The following PPP2R1B variants were observed in gnomAD, a reference collection of about 807,000 sequenced individuals.
PPP2R1B encodes serine/threonine-protein phosphatase 2A 65 kDa regulatory subunit A beta isoform.
A neutral mutation model predicts 72.7 loss-of-function variants in PPP2R1B; 58 were observed. That is an observed-to-expected ratio of 0.80 (90% CI 0.65 to 0.99). The LOEUF (loss-of-function observed/expected upper bound fraction) is 0.99. PPP2R1B is among the 50% of genes least tolerant of loss of function. The pLI is 0.00. For synonymous variants in PPP2R1B, 256 were observed against 264.6 expected, an observed-to-expected ratio of 0.97 and a Z score of 0.32; for missense variants, 695 against 733.6, an observed-to-expected ratio of 0.95 and a Z score of 0.61.
the PPP2R1B span, chr11:111,703,221 G>A: frequency 3.1e-6 from 5 of 1,613,928 alleles, no homozygotes; most frequent in African/African-American, 1.3e-5. Flanking sequence ...CACCTTATCC[G>A]AAGGATGTTG....
In PPP2R1B at chr11:111,756,188, C is replaced by T. The variant is rs71405273; in HGVS notation, c.688-738G>A. Among the ~76,000 whole-genome samples, 158 of 144,586 alleles carry T rather than the reference C, an allele frequency of 1.1e-3. 1 individual carries two copies. Among genetic ancestry groups the T allele is most frequent in the Middle Eastern group, 7.1e-3 (2 of 282 alleles). 94.9% of individuals were successfully genotyped at this position (144,586 alleles called of 152,430 possible). A position where few individuals can be genotyped will look rare whatever the true frequency, so the allele number is the denominator to read the frequency against. ...CTGCACCACTGCACTCCAGTCTGGG[C>T]GACAGAGTGACACTCTGTCTCAAAA... On this transcript the variant is annotated intron_variant, in intron 5 of 14. Transcript: ENST00000527614.
At position 111,764,795 on chromosome 11, in the gene PPP2R1B, A is replaced by C. The variant is rs782349861; in HGVS notation, c.306+10T>G. 10 of 1,613,368 alleles carry C rather than the reference A, an allele frequency of 6.2e-6. No individual in the cohort carries two copies. The South Asian group carries it at 9.9e-5, about 16-fold the overall frequency. On this transcript the variant is annotated intron_variant, in intron 3 of 14. Transcript: ENST00000527614. ...TGTAGAAGGAGGGTAGGCAGCTTATAAATACTCACCAGCAGACAGTGGGCA... is the reference window on the plus strand; with the variant it reads ...TGTAGAAGGAGGGTAGGCAGCTTATCAATACTCACCAGCAGACAGTGGGCA...
the PPP2R1B span, among the ~76,000 whole-genome samples, chr11:111,706,497 T>C: frequency 1.3e-5 from 2 of 152,298 alleles, no homozygotes; most frequent in Non-Finnish European, 2.9e-5. Flanking sequence ...AAAACAAAAA[T>C]AAGGGCAGGA....
chr11:111,743,374 A>G lies in PPP2R1B; in HGVS notation c.1554+2T>C. On this transcript the variant is annotated splice_donor_variant, in intron 12 of 14. Transcript: ENST00000527614. LOFTEE classifies it high-confidence loss of function. ...TAGCAATAACAGTTATGTTATACTT[A>G]CATTAATGCAGAATAAAGTGGTCAT... 1 of 1,600,884 alleles carries G rather than the reference A, an allele frequency of 6.2e-7. No homozygotes were observed. The highest frequency in any genetic ancestry group is 8.5e-7 in the Non-Finnish European group (1 of 1,171,938).
intron 3 of PPP2R1B, among the ~76,000 whole-genome samples, chr11:111,762,624 T>C (rs924712897): frequency 6.6e-6 from 1 of 150,754 alleles, no homozygotes; most frequent in Non-Finnish European, 1.5e-5. Context: ...GGCACAATCA[T>C]GGCTCAGTGC....
chr11:111,713,451 A>G, the PPP2R1B span, among the ~76,000 whole-genome samples: 1 of 152,186 alleles, frequency 6.6e-6, no homozygotes, highest in East Asian at 1.9e-4. Flanking sequence ...TAAAAGGAGA[A>G]CACCAACTTT....
chr11:111,742,240 G>A lies in PPP2R1B; in HGVS notation c.1698-96C>T. ...TTAATGGTAATTGTTAAAATTTAAA[G>A]TAAAAAAATAAAGACATTTATAAAC... is the stretch of plus-strand genomic sequence containing the variant. On this transcript the variant is annotated intron_variant, in intron 13 of 14. Coordinates refer to ENST00000527614, the MANE Select transcript of PPP2R1B (RefSeq NM_002716.5). The A allele has an allele frequency of 5.0e-6, 5 of 1,007,586 alleles. No individual in the cohort carries two copies. The South Asian group carries it at 8.1e-5, about 16-fold the overall frequency. 62.4% of individuals were successfully genotyped at this position (1,007,586 alleles called of 1,614,324 possible).
Position 111,759,615 on chromosome 11 carries a change from A to G in PPP2R1B, c.687+189T>C, listed in dbSNP as rs563362150. On this transcript the variant is annotated intron_variant, in intron 5 of 14. Transcript: ENST00000527614. Reference sequence around the variant, plus strand: ...TTAACAGCTGCTAATGTAAGAGAGAAATCATGGTCTGGTTAAGAAAGAAAC... The same window carrying G: ...TTAACAGCTGCTAATGTAAGAGAGAGATCATGGTCTGGTTAAGAAAGAAAC... 5.3e-5 allele frequency among the ~76,000 whole-genome samples: 8 copies of G among 152,338 alleles called. No individual in the cohort carries two copies. In the East Asian group the frequency reaches 1.2e-3, roughly 22 times the overall value.
At chr11:111,715,040 G>C in the PPP2R1B span, among the ~76,000 whole-genome samples, 2 of 152,234 alleles carry the variant, frequency 1.3e-5, no homozygotes, top group Non-Finnish European at 2.9e-5. Flanking sequence ...TATTTTTAAA[G>C]CTTGTGATTG....
the PPP2R1B span, among the ~76,000 whole-genome samples, chr11:111,713,101 G>A: frequency 1.3e-5 from 2 of 152,330 alleles, no homozygotes; most frequent in South Asian, 2.1e-4. Flanking sequence ...GGGGGCCGAG[G>A]TGGCAGTGAG....
chr11:111,689,380 G>A, the PPP2R1B span, among the ~76,000 whole-genome samples: 7 of 152,168 alleles, frequency 4.6e-5, no homozygotes, highest in Non-Finnish European at 1.0e-4. Flanking sequence ...TAAGATAGGT[G>A]GGAGATGTGG....
At chr11:111,693,856 AG>A in the PPP2R1B span, among the ~76,000 whole-genome samples, 1 of 152,224 alleles carries the variant, frequency 6.6e-6, no homozygotes. Context: ...GAGTCGATGT[AG>A]GGTAATAGGT....
downstream of PPP2R1B, chr11:111,723,543 C>T: frequency 6.2e-7 from 1 of 1,614,118 alleles, no homozygotes; most frequent in Non-Finnish European, 8.5e-7. Context: ...CAACTGCAGG[C>T]CTATTTTAAT....
At chr11:111,726,118 G>A (rs192718137), downstream of PPP2R1B, 4 of 152,226 alleles carry the variant, frequency 2.6e-5, no homozygotes, top group Admixed American at 1.3e-4. Flanking sequence ...TATAAAATGG[G>A]GCTTGATTTG....
downstream of PPP2R1B, among the ~76,000 whole-genome samples, chr11:111,736,662 TCAA>T (rs373946980): frequency 1.3e-5 from 2 of 152,290 alleles, no homozygotes; most frequent in African/African-American, 4.8e-5. Context: ...ATTCTGGACC[TCAA>T]CAAAAGGCAA....
the PPP2R1B span, chr11:111,718,686 C>T: frequency 6.6e-6 from 1 of 152,148 alleles, no homozygotes; most frequent in East Asian, 1.9e-4. Flanking sequence ...TAAAGGGAAA[C>T]CCCACACCAC....
rs1437590730 is a variant in PPP2R1B, at chr11:111,748,105, TA to T, written c.1339-92del. 4.6e-5 allele frequency: 53 copies of T among 1,143,318 alleles called. No individual in the cohort carries two copies. In the African/African-American group the frequency reaches 6.0e-4, roughly 13 times the overall value. The allele number at this position is 1,143,318 out of a possible 1,614,324, so 70.8% of individuals were successfully genotyped here. A position where few individuals can be genotyped will look rare whatever the true frequency, so the allele number is the denominator to read the frequency against. ...CATTACACCAAGGTTACCTGAAGGC[TA>T]AAAAAACTTGTTTCCAAATAAACAA... On this transcript the variant is annotated intron_variant, in intron 10 of 14. Coordinates refer to ENST00000527614, the MANE Select transcript of PPP2R1B (RefSeq NM_002716.5).
At chr11:111,765,802 C>G (rs868996307) in intron 1 of PPP2R1B, 1 of 473,896 alleles carries the variant, frequency 2.1e-6, no homozygotes, top group Admixed American at 2.3e-5. Context: ...TTCTACCCAA[C>G]AAGCCGAGCC....
At chr11:111,755,211 A>T (rs781875691) in intron 6 of PPP2R1B, 84 bp downstream of exon 6, 1 of 1,540,294 alleles carries the variant, frequency 6.5e-7, no homozygotes, top group African/African-American at 1.4e-5. Flanking sequence ...CATTGAAAAG[A>T]ATTAATTCAG....
Sources: gnomAD v4.1 joint callset for allele counts (sites outside exome capture counted in the v4.1 genomes callset) on GRCh38, gnomAD v4.1.1 for gene constraint, MANE v1.5 for transcripts, NCBI Gene and HGNC (gene_info 2026-07-23, HGNC 2026-07-21) for gene names.